ANPEP: variants seen among roughly 807,000 people sequenced by gnomAD.
The protein encoded by ANPEP is alanyl aminopeptidase, membrane.
In ANPEP, 70 loss-of-function variants were observed where a neutral mutation model predicts 114.6. The ratio of observed to expected loss-of-function variants is 0.61; its 90% confidence interval spans 0.50 to 0.75. The LOEUF is 0.75. Among genes scored for constraint, ANPEP ranks in the 30% least tolerant of loss-of-function variants. The pLI is 0.00. For synonymous variants in ANPEP, 548 were observed against 522.3 expected (o/e 1.05, Z -0.67); for missense variants, 1,184 against 1,259.5 (o/e 0.94, Z 0.91).
intron 1 of ANPEP, among the ~76,000 whole-genome samples, chr15:89,814,551 G>C (rs1894874373): frequency 6.6e-6 from 1 of 152,192 alleles, no homozygotes; most frequent in Non-Finnish European, 1.5e-5. Context: ...GCCCGCTGGG[G>C]ACCCACTTGA....
chr15:89,785,253 G>A lies in ANPEP; in HGVS notation c.*96C>T. On this transcript the variant is annotated 3_prime_UTR_variant, in exon 21 of 21. Transcript: ENST00000300060. The stretch of plus-strand genomic sequence containing the variant: ...TTGTCCTTGAGGGGAGGACACTGGT[G>A]CCTCGGGCTCCAGGAATGGAGGCCC... 6.7e-7 allele frequency: 1 copy of A among 1,499,020 alleles called. No homozygotes were observed. Among genetic ancestry groups the A allele is most frequent in the Non-Finnish European group, 9.2e-7 (1 of 1,092,310 alleles). 92.9% of individuals were successfully genotyped at this position (1,499,020 alleles called of 1,614,324 possible).
At chr15:89,793,968 A>G (rs929118214) in intron 15 of ANPEP, among the ~76,000 whole-genome samples, 2 of 152,086 alleles carry the variant, frequency 1.3e-5, no homozygotes, top group African/African-American at 4.8e-5. Flanking sequence ...TGGCAGGTTG[A>G]TTTCTGTGCC....
At position 89,801,183 on chromosome 15, in the gene ANPEP, C is replaced by T. The variant is rs201255326; in HGVS notation, c.1747G>A (p.Val583Met). 11 of 1,614,084 alleles carry T rather than the reference C, an allele frequency of 6.8e-6. No homozygotes were observed. Among genetic ancestry groups the T allele is most frequent in the African/African-American group, 4.0e-5 (3 of 75,038 alleles). The change falls in exon 12 of 21, where the codon GTG becomes ATG. Residue 583 changes from valine (V) to methionine (M), a missense_variant. Physicochemically the swap from Val to Met is conservative, Grantham distance 21. Transcript: ENST00000300060. ...ATGGATGTGATGGGCACAATCCACA[C>T]GTAGCTGCAATTAAAGATCCAGAGG... ...NVTRPSEFNY[V>M]WIVPITSIRD...
At chr15:89,807,388 C>T (rs35408448) in intron 1 of ANPEP, among the ~76,000 whole-genome samples, 1 of 152,128 alleles carries the variant, frequency 6.6e-6, no homozygotes, top group Admixed American at 6.5e-5. Context: ...ATATTAAACA[C>T]CAAATAGTAG....
At position 89,803,755 on chromosome 15, in the gene ANPEP, C is replaced by T. The variant is rs1307637461; in HGVS notation, c.1329G>A (p.Val443=). The T allele has an allele frequency of 6.2e-7, 1 of 1,609,096 alleles. No individual in the cohort carries two copies. Among genetic ancestry groups the T allele is most frequent in the African/African-American group, 1.3e-5 (1 of 74,862 alleles). Residue 443 remains valine (V), a synonymous_variant, in exon 8 of 21, where the codon GTG becomes GTA. Coordinates refer to ENST00000300060, the MANE Select transcript of ANPEP (RefSeq NM_001150.3). This position sits in a 1 kb window ranked among gnomAD's most constrained non-coding sequence, Gnocchi z 4.2. ...AGGAGGCCAGTGCATCCACTGCCATCACGCGGTACACATCATTCAGCACCA... is the reference window on the plus strand; with the variant it reads ...AGGAGGCCAGTGCATCCACTGCCATTACGCGGTACACATCATTCAGCACCA... The part of the protein sequence containing the change: ...DLMVLNDVYR[V]MAVDALASSH...
chr15:89,806,171 A>C lies in ANPEP; in HGVS notation c.413T>G (p.Val138Gly). ...CTGGGAGCCTCCCACACCACGCAGGACCACCCTGTGCCCCTGGCTGAGGGT... is the reference window on the plus strand; with the variant it reads ...CTGGGAGCCTCCCACACCACGCAGGCCCACCCTGTGCCCCTGGCTGAGGGT... The part of the protein sequence containing the change: ...NYTLSQGHRV[V>G]LRGVGGSQPP... The change falls in exon 2 of 21, where the codon GTC becomes GGC. Residue 138 changes from valine (V) to glycine (G), a missense_variant. Transcript: ENST00000300060. The surrounding 1 kb of genome is among the most constrained non-coding windows in gnomAD (Gnocchi z 5.7). The C allele has an allele frequency of 6.2e-7, 1 of 1,614,060 alleles. No homozygotes were observed. Among genetic ancestry groups the C allele is most frequent in the Non-Finnish European group, 8.5e-7 (1 of 1,180,002 alleles).
chr15:89,799,638 C>A lies in ANPEP; in HGVS notation c.1820-79G>T. The A allele has an allele frequency of 1.3e-6, 2 of 1,589,442 alleles. No individual in the cohort carries two copies. The highest frequency in any genetic ancestry group is 8.6e-7 in the Non-Finnish European group (1 of 1,164,776). Reference sequence around the variant, plus strand: ...CCTGGACCTCTTGCAAGAGCAGCTGCCCCCGCAGCCTGGCACCACCTCACC... The same window carrying A: ...CCTGGACCTCTTGCAAGAGCAGCTGACCCCGCAGCCTGGCACCACCTCACC... On this transcript the variant is annotated intron_variant, in intron 12 of 20. Transcript: ENST00000300060. The surrounding 1 kb of genome is among the most constrained non-coding windows in gnomAD (Gnocchi z 4.2).
chr15:89,806,517 C>G lies in ANPEP; in HGVS notation c.67G>C (p.Val23Leu), dbSNP rs766949181. 61 of 1,613,726 alleles carry G rather than the reference C, an allele frequency of 3.8e-5. No individual in the cohort carries two copies. The highest frequency in any genetic ancestry group is 4.9e-5 in the Non-Finnish European group (58 of 1,179,818). ...ACTGACAGTGCGATGATTGTGCACA[C>G]GGCTGCCACGCCCAGGAGGATCCCC... ...ILGILLGVAAVCTIIALSVVY... is the reference protein window; with the variant it reads ...ILGILLGVAALCTIIALSVVY... The change falls in exon 2 of 21, where the codon GTG becomes CTG. Residue 23 changes from valine (V) to leucine (L), a missense_variant. Physicochemically the swap from Val to Leu is conservative, Grantham distance 32. Coordinates refer to ENST00000300060, the MANE Select transcript of ANPEP (RefSeq NM_001150.3). The surrounding 1 kb of genome is among the most constrained non-coding windows in gnomAD (Gnocchi z 5.7).
chr15:89,792,955 G>C, intron 16 of ANPEP, 80 bp downstream of exon 16: 1 of 1,246,788 alleles, frequency 8.0e-7, no homozygotes, highest in Non-Finnish European at 1.2e-6. Flanking sequence ...TGAGAGCTGC[G>C]GCAGAGAACA....
chr15:89,790,367 T>C lies in ANPEP; in HGVS notation c.2751+93A>G, dbSNP rs1968596652. ...GGAAGGCCTGGCGGCGTGGAGCCTG[T>C]GCTCCCTCAGGGCCACGTGGGAGAA... On this transcript the variant is annotated intron_variant, in intron 20 of 20. Transcript: ENST00000300060. The C allele has an allele frequency of 1.3e-5, 15 of 1,174,842 alleles. No individual in the cohort carries two copies. The South Asian group carries it at 1.8e-4, about 14-fold the overall frequency. 72.8% of individuals were successfully genotyped at this position (1,174,842 alleles called of 1,614,324 possible).
chr15:89,806,426 G>A lies in ANPEP; in HGVS notation c.158C>T (p.Ala53Val). 1 of 1,614,150 alleles carries A rather than the reference G, an allele frequency of 6.2e-7. No homozygotes were observed. Among genetic ancestry groups the A allele is most frequent in the East Asian group, 2.2e-5 (1 of 44,882 alleles). The change falls in exon 2 of 21, where the codon GCC (alanine) becomes GTC (valine). Residue 53 changes from alanine (A) to valine (V), a missense_variant. Physicochemically the swap from Ala to Val is moderately conservative, Grantham distance 64 (BLOSUM62 0). Coordinates refer to ENST00000300060, the MANE Select transcript of ANPEP (RefSeq NM_001150.3). This position sits in a 1 kb window ranked among gnomAD's most constrained non-coding sequence, Gnocchi z 5.7. ...SSPVASTTPS[A>V]SATTNPASAT... ...CGAGGCGGGGTTGGTGGTGGCTGAG[G>A]CGGACGGGGTGGTGGAGGCCACGGG...
At chr15:89,812,144 G>A (rs1248896373) in intron 1 of ANPEP, among the ~76,000 whole-genome samples, 1 of 152,124 alleles carries the variant, frequency 6.6e-6, no homozygotes. Context: ...AGCCTGGGAG[G>A]GGCTGTGGCC....
intron 18 of ANPEP, 95 bp from the exon 19 acceptor site, chr15:89,791,188 T>TCTCAACATCCC: frequency 7.1e-7 from 1 of 1,402,768 alleles, no homozygotes; most frequent in Non-Finnish European, 9.8e-7. Flanking sequence ...GCCTGCATCC[T>TCTCAACATCCC]CTCAACATCC....
chr15:89,801,224 G>C (rs771865791), intron 11 of ANPEP, 37 bp from the exon 12 acceptor site: 14 of 1,608,202 alleles, frequency 8.7e-6, no homozygotes, highest in Non-Finnish European at 1.0e-5. Context: ...AGAGATGGCG[G>C]TGTGGTCACT....
chr15:89,802,273 T>C (rs928424795), intron 10 of ANPEP: 1 of 151,744 alleles, frequency 6.6e-6, no homozygotes, highest in Non-Finnish European at 1.5e-5. Context: ...GAGCTTGGCT[T>C]AGGAGGGAAC....
chr15:89,799,506 T>G lies in ANPEP; in HGVS notation c.1873A>C (p.Asn625His), dbSNP rs1894541807. 1 of 1,614,014 alleles carries G rather than the reference T, an allele frequency of 6.2e-7. No homozygotes were observed. ...SGNEWVLLNLNVTGYYRVNYD... is the reference protein window; with the variant it reads ...SGNEWVLLNLHVTGYYRVNYD... ...TTCACCCGGTAATAGCCCGTCACAT[T>G]GAGGTTCAGCAGGACCCACTCATTG... Residue 625 changes from asparagine to histidine, a missense_variant, in exon 13 of 21, where the codon AAT becomes CAT. By Grantham distance (68) the Asn-to-His change is moderately conservative. Transcript: ENST00000300060. The surrounding 1 kb of genome is among the most constrained non-coding windows in gnomAD (Gnocchi z 4.2).
Position 89,791,001 on chromosome 15 carries a change from C to A in ANPEP, c.2621G>T (p.Gly874Val), listed in dbSNP as rs1968611832. 3 of 1,614,114 alleles carry A rather than the reference C, an allele frequency of 1.9e-6. No homozygotes were observed. Among genetic ancestry groups the A allele is most frequent in the Non-Finnish European group, 2.5e-6 (3 of 1,180,042 alleles). Residue 874 changes from glycine to valine, a missense_variant, in exon 19 of 21, where the codon GGT becomes GTT. Physicochemically the swap from Gly to Val is moderately radical, Grantham distance 109 (BLOSUM62 -3). Transcript: ENST00000300060. ...GCTCTGGACAAAGTCCCAGACCAGA[C>A]CTTGCCCAATGACGTTGTTGGTAAT... ...ISITNNVIGQ[G>V]LVWDFVQSNW...
At chr15:89,810,153 G>A (rs571294887) in intron 1 of ANPEP, among the ~76,000 whole-genome samples, 188 of 152,258 alleles carry the variant, frequency 1.2e-3, no homozygotes, top group Admixed American at 4.8e-3. Flanking sequence ...GCTGAGGTGG[G>A]CAGATCACGA....
rs372707879 is a variant in ANPEP, at chr15:89,804,382, G to T, written c.1050C>A (p.Asn350Lys). 1 of 1,614,214 alleles carries T rather than the reference G, an allele frequency of 6.2e-7. No individual in the cohort carries two copies. The highest frequency in any genetic ancestry group is 1.1e-5 in the South Asian group (1 of 91,084). Residue 350 changes from asparagine to lysine, a missense_variant, in exon 6 of 21, where the codon AAC (asparagine) becomes AAA (lysine). Asn to Lys is a moderately conservative substitution (Grantham distance 94). Transcript: ENST00000300060. Reference sequence around the variant, plus strand: ...GTCCCCAGTTCTCCATGGCGCCGGCGTTGAAGTCTGGCAGGCCAATCTGGT... The same window carrying T: ...GTCCCCAGTTCTCCATGGCGCCGGCTTTGAAGTCTGGCAGGCCAATCTGGT... ...KSDQIGLPDFNAGAMENWGLV... is the reference protein window; with the variant it reads ...KSDQIGLPDFKAGAMENWGLV...
Sources: allele counts gnomAD v4.1 joint callset (sites outside exome capture counted in the v4.1 genomes callset), GRCh38; gene constraint gnomAD v4.1.1; non-coding constraint Gnocchi (gnomAD v3.1); transcripts MANE v1.5; gene names NCBI Gene and HGNC (gene_info 2026-07-23, HGNC 2026-07-21).